Variants in ELAVL4 observed in about 807,000 individuals in gnomAD.
ELAVL4 encodes the protein ELAV-like protein 4.
A neutral mutation model predicts 35.6 loss-of-function variants in ELAVL4; 1 was observed. The observed-to-expected ratio is 0.03, with a 90% CI of 0.01 to 0.13. ELAVL4 has a LOEUF of 0.13. ELAVL4 is among the 10% of genes least tolerant of loss of function. The probability of loss-of-function intolerance (pLI) is 1.00; values close to 1 mark genes in which losing one functional copy is unlikely to be tolerated. For missense variants in ELAVL4, 267 were observed against 464.9 expected (o/e 0.57, Z 3.91); for synonymous variants, 156 against 171.0 (o/e 0.91, Z 0.69).
At chr1:50,084,501 C>G (rs1442241637) in intron 1 of ELAVL4, among the ~76,000 whole-genome samples, 3 of 152,118 alleles carry the variant, frequency 2.0e-5, no homozygotes, top group Non-Finnish European at 4.4e-5. Flanking sequence ...TTTTGACCCT[C>G]CCATTTACCC....
intron 1 of ELAVL4, among the ~76,000 whole-genome samples, chr1:50,080,797 C>T (rs1043820645): frequency 6.6e-6 from 1 of 152,118 alleles, no homozygotes; most frequent in African/African-American, 2.4e-5. Context: ...TTCTGTGCTG[C>T]CTTTCCTCCA....
intron 2 of ELAVL4, among the ~76,000 whole-genome samples, chr1:50,158,769 G>C (rs1676201174): frequency 6.6e-6 from 1 of 152,154 alleles, no homozygotes; most frequent in African/African-American, 2.4e-5. Flanking sequence ...AGCCAGGCCT[G>C]GTGGCTCACC....
chr1:50,091,547 G>T (rs74078440), intron 1 of ELAVL4, among the ~76,000 whole-genome samples: 3,326 of 152,126 alleles, frequency 0.022, 117 homozygotes, highest in African/African-American at 0.074. Context: ...TCTTCCTCAC[G>T]TCTAGCAAGA....
At chr1:50,161,487 GTTT>G (rs879748666) in intron 2 of ELAVL4, among the ~76,000 whole-genome samples, 1 of 150,918 alleles carries the variant, frequency 6.6e-6, no homozygotes, top group African/African-American at 2.4e-5. Flanking sequence ...TTCCTTTTCA[GTTT>G]TTTTTTAACT....
chr1:50,198,942 T>C (rs1008789200), intron 6 of ELAVL4, among the ~76,000 whole-genome samples: 1 of 152,224 alleles, frequency 6.6e-6, no homozygotes, highest in Non-Finnish European at 1.5e-5. Context: ...TGACTTATAA[T>C]AAATACTTAG....
At chr1:50,065,080 G>C (rs1256563841) in intron 1 of ELAVL4, among the ~76,000 whole-genome samples, 4 of 152,154 alleles carry the variant, frequency 2.6e-5, no homozygotes, top group Non-Finnish European at 5.9e-5. Flanking sequence ...CAACATGGGT[G>C]TTGGCTGTGG....
chr1:50,060,590 C>G (rs1008463793), intron 1 of ELAVL4, among the ~76,000 whole-genome samples: 1 of 152,184 alleles, frequency 6.6e-6, no homozygotes, highest in Admixed American at 6.5e-5. Flanking sequence ...GGGCCTGGGT[C>G]GGCCTCTAGC....
chr1:50,123,169 G>A (rs1669312831), intron 1 of ELAVL4, among the ~76,000 whole-genome samples: 1 of 151,970 alleles, frequency 6.6e-6, no homozygotes, highest in African/African-American at 2.4e-5. Flanking sequence ...TTTATTGAGG[G>A]TGAGTGAGCT....
At chr1:50,144,914 G>A in intron 1 of ELAVL4, 43 bp from the exon 2 acceptor site, 7 of 1,590,718 alleles carry the variant, frequency 4.4e-6, no homozygotes, top group South Asian at 1.2e-5. Flanking sequence ...CTTTGTGTCT[G>A]AGATTTCAAA....
chr1:50,049,796 C>T (rs748691998), intron 1 of ELAVL4, among the ~76,000 whole-genome samples: 2 of 152,194 alleles, frequency 1.3e-5, no homozygotes, highest in Non-Finnish European at 2.9e-5. Context: ...TCTAGAAATA[C>T]ATGAGGGATT....
Position 50,195,757 on chromosome 1 carries a change from T to A in ELAVL4, c.705T>A (p.Gly235=). Reference sequence around the variant, plus strand: ...AGTCCCCCAACCGGCGCTACCCAGGTCCACTTCACCACCAGGCTCAGAGGT... The same window carrying A: ...AGTCCCCCAACCGGCGCTACCCAGGACCACTTCACCACCAGGCTCAGAGGT... The part of the protein sequence containing the change: ...LYQSPNRRYP[G]PLHHQAQRFR... The change falls in exon 5 of 7, where the codon GGT becomes GGA. Residue 235 remains glycine (G), a synonymous_variant. Transcript: ENST00000371824. The A allele has an allele frequency of 6.2e-7, 1 of 1,614,126 alleles. No homozygotes were observed.
intron 1 of ELAVL4, among the ~76,000 whole-genome samples, chr1:50,112,665 A>G (rs183365047): frequency 6.6e-6 from 1 of 152,268 alleles, no homozygotes; most frequent in East Asian, 1.9e-4. Context: ...TTACTTTGAG[A>G]ATTGTTGATT....
chr1:50,103,208 T>C (rs1328394576), upstream of ELAVL4, among the ~76,000 whole-genome samples: 1 of 152,204 alleles, frequency 6.6e-6, no homozygotes, highest in Admixed American at 6.5e-5. Flanking sequence ...ATTTGTCACA[T>C]TTCCCCCCAC....
intron 1 of ELAVL4, among the ~76,000 whole-genome samples, chr1:50,126,983 GT>G (rs1670034672): frequency 6.6e-6 from 1 of 151,944 alleles, no homozygotes; most frequent in Non-Finnish European, 1.5e-5. Context: ...GTTCACATTT[GT>G]TTTAATCTTG....
Position 50,088,972 on chromosome 1 carries a change from A to G in ELAVL4, c.18+40790A>G, listed in dbSNP as rs528082238. ...TCTTTGCAGAAGGCTGAGTCTAGCAATAGCCCCATTTCACAGCTGATGGTG... is the reference window on the plus strand; with the variant it reads ...TCTTTGCAGAAGGCTGAGTCTAGCAGTAGCCCCATTTCACAGCTGATGGTG... On this transcript the variant is annotated intron_variant, in intron 1 of 6. Coordinates refer to the ELAVL4 transcript ENST00000448907. Among the ~76,000 whole-genome samples, 7 of 152,316 alleles carry G rather than the reference A, an allele frequency of 4.6e-5. No homozygotes were observed. In the East Asian group the frequency reaches 9.6e-4, roughly 21 times the overall value.
chr1:50,061,523 A>G (rs542261166), intron 1 of ELAVL4, among the ~76,000 whole-genome samples: 1 of 152,316 alleles, frequency 6.6e-6, no homozygotes, highest in African/African-American at 2.4e-5. Flanking sequence ...ACTGTTTAAC[A>G]TGTTTAATCC....
At chr1:50,059,449 C>T (rs1663843529) in intron 1 of ELAVL4, among the ~76,000 whole-genome samples, 1 of 151,640 alleles carries the variant, frequency 6.6e-6, no homozygotes. Context: ...AGCCAGCAAA[C>T]ACATAAAAAG....
At chr1:50,160,545 A>T (rs1166338611) in intron 2 of ELAVL4, among the ~76,000 whole-genome samples, 1 of 152,176 alleles carries the variant, frequency 6.6e-6, no homozygotes, top group Non-Finnish European at 1.5e-5. Context: ...GAACTCCTCG[A>T]TGATAAGGAC....
intron 1 of ELAVL4, among the ~76,000 whole-genome samples, chr1:50,142,492 C>T (rs539511752): frequency 1.1e-4 from 17 of 152,242 alleles, no homozygotes; most frequent in Admixed American, 6.5e-4. Flanking sequence ...TGTGAGCCAC[C>T]GCACCTGGCC....
Sources: allele counts gnomAD v4.1 joint callset (sites outside exome capture counted in the v4.1 genomes callset), GRCh38; gene constraint gnomAD v4.1.1; transcripts MANE v1.5; gene names NCBI Gene and HGNC (gene_info 2026-07-23, HGNC 2026-07-21).